WDR59: variants seen among roughly 807,000 people sequenced by gnomAD.
WDR59 encodes GATOR2 complex protein WDR59.
In WDR59, 100 loss-of-function variants were observed where a neutral mutation model predicts 131.2. The observed-to-expected ratio is 0.76, with a 90% CI of 0.65 to 0.90. The LOEUF (loss-of-function observed/expected upper bound fraction) is 0.90. WDR59 is among the 40% of genes least tolerant of loss of function. The probability of loss-of-function intolerance (pLI) is 0.00; values close to 1 mark genes in which losing one functional copy is unlikely to be tolerated. For synonymous variants in WDR59, 601 were observed against 466.2 expected (o/e 1.29, Z -3.72); for missense variants, 1,203 against 1,262.2 (o/e 0.95, Z 0.71).
At chr16:74,930,171 A>G (rs543604541) in intron 8 of WDR59, among the ~76,000 whole-genome samples, 1 of 152,214 alleles carries the variant, frequency 6.6e-6, no homozygotes, top group Non-Finnish European at 1.5e-5. Flanking sequence ...TTTATTGTAC[A>G]TTTAAGAACA....
intron 18 of WDR59, among the ~76,000 whole-genome samples, chr16:74,902,765 C>G (rs1331824659): frequency 6.6e-6 from 1 of 152,008 alleles, no homozygotes; most frequent in Non-Finnish European, 1.5e-5. Flanking sequence ...TCTCCAGTTA[C>G]CTGCAAACAT....
chr16:74,969,831 G>T (rs4888326), intron 1 of WDR59, among the ~76,000 whole-genome samples: 2 of 152,000 alleles, frequency 1.3e-5, no homozygotes, highest in Admixed American at 6.6e-5. Flanking sequence ...TTGTCACACA[G>T]GTTGGAGTAC....
rs1406634854 is a variant in WDR59, at chr16:74,873,218, A to T, written c.*991T>A. On this transcript the variant is annotated 3_prime_UTR_variant, in exon 26 of 26. Transcript: ENST00000262144. ...AGCCACCGTGCCCGGCCTATTTTTT[A>T]AATTTTTTGCAGAGATGGGATCTCC... 6.6e-6 allele frequency: 1 copy of T among 151,564 alleles called. No homozygotes were observed. The highest frequency in any genetic ancestry group is 1.5e-5 in the Non-Finnish European group (1 of 67,894). The allele number at this position is 151,564 out of a possible 1,614,324, so 9.4% of individuals were successfully genotyped here.
chr16:74,888,807 A>C (rs979854240), intron 21 of WDR59, among the ~76,000 whole-genome samples: 2 of 152,250 alleles, frequency 1.3e-5, no homozygotes, highest in African/African-American at 4.8e-5. Context: ...CTGGAGGTGC[A>C]GTTATGAAGA....
chr16:74,888,245 C>G lies in WDR59; in HGVS notation c.2270G>C (p.Arg757Pro). The G allele has an allele frequency of 6.2e-7, 1 of 1,614,044 alleles. No homozygotes were observed. Among genetic ancestry groups the G allele is most frequent in the East Asian group, 2.2e-5 (1 of 44,884 alleles). ...MLCSVFEAQS[R>P]PQGLPNPFGP... Reference sequence around the variant, plus strand: ...AAAGGGGTTTGGTAGCCCCTGAGGCCGAGACTGGGCTTCAAACACGCTACA... The same window carrying G: ...AAAGGGGTTTGGTAGCCCCTGAGGCGGAGACTGGGCTTCAAACACGCTACA... The change falls in exon 22 of 26, where the codon CGG (arginine) becomes CCG (proline). Residue 757 changes from arginine to proline, a missense_variant. By Grantham distance (103) the Arg-to-Pro change is moderately radical. Coordinates refer to ENST00000262144, the MANE Select transcript of WDR59 (RefSeq NM_030581.4).
chr16:74,934,687 C>T (rs1438979513), intron 8 of WDR59, among the ~76,000 whole-genome samples: 1 of 152,192 alleles, frequency 6.6e-6, no homozygotes, highest in African/African-American at 2.4e-5. Flanking sequence ...GTGGCTCACG[C>T]CTGTAATCCC....
At chr16:74,924,237 G>A (rs1309658276) in intron 8 of WDR59, among the ~76,000 whole-genome samples, 1 of 152,114 alleles carries the variant, frequency 6.6e-6, no homozygotes, top group Admixed American at 6.6e-5. Context: ...CACTAAACGC[G>A]GCAGGTCACT....
rs61734551 is a variant in WDR59 at position 74,909,573 on chromosome 16, T to C, written c.1570A>G (p.Thr524Ala). 2,880 of 1,611,050 alleles carry C rather than the reference T, an allele frequency of 1.8e-3. 54 individuals carry two copies. The African/African-American group carries it at 0.032, about 18-fold the overall frequency. ...PPLPTFARVTTAYGSYQDANI... is the reference protein window; with the variant it reads ...PPLPTFARVTAAYGSYQDANI... ...GCGTCCTGGTACGACCCGTAAGCCGTGGTCACCCGCGCAAACGTCGGTAAG... is the reference window on the plus strand; with the variant it reads ...GCGTCCTGGTACGACCCGTAAGCCGCGGTCACCCGCGCAAACGTCGGTAAG... The change falls in exon 16 of 26, where the codon ACG (threonine) becomes GCG (alanine). Residue 524 changes from threonine (T) to alanine (A), a missense_variant. Thr to Ala is a moderately conservative substitution (Grantham distance 58). Coordinates refer to ENST00000262144, the MANE Select transcript of WDR59 (RefSeq NM_030581.4).
chr16:74,945,040 C>T (rs1375532150), intron 6 of WDR59, among the ~76,000 whole-genome samples: 2 of 151,792 alleles, frequency 1.3e-5, no homozygotes, highest in Admixed American at 6.6e-5. Context: ...AGGAGAATCG[C>T]TTGAACCCAG....
At chr16:74,879,274 T>A (rs1490160787) in intron 25 of WDR59, among the ~76,000 whole-genome samples, 1 of 152,138 alleles carries the variant, frequency 6.6e-6, no homozygotes, top group Non-Finnish European at 1.5e-5. Context: ...GGGAGGATTG[T>A]TGAGCTCAGC....
chr16:74,973,820 G>A (rs897839842), intron 1 of WDR59, among the ~76,000 whole-genome samples: 5 of 152,140 alleles, frequency 3.3e-5, no homozygotes, highest in Non-Finnish European at 7.3e-5. Context: ...CAGATCGCCT[G>A]AGGTCAAGAG....
Position 74,922,069 on chromosome 16 carries a change from GGA to G in WDR59, c.762_763del (p.Gln256AlafsTer14). ...AAGGCTGTTTTCCCTCCGCAGCTGG[GGA>G]ACCATCACAGTCACCAATCCATTGC... On this transcript the variant is annotated frameshift_variant, in exon 10 of 26. Coordinates refer to ENST00000262144, the MANE Select transcript of WDR59 (RefSeq NM_030581.4). LOFTEE classifies it high-confidence loss of function. 18 of 1,614,180 alleles carry G rather than the reference GGA, an allele frequency of 1.1e-5. No individual in the cohort carries two copies. The highest frequency in any genetic ancestry group is 1.5e-5 in the Non-Finnish European group (18 of 1,180,032).
chr16:74,892,556 C>T lies in WDR59; in HGVS notation c.2010G>A (p.Val670=), dbSNP rs774776797. The T allele has an allele frequency of 1.9e-6, 3 of 1,612,974 alleles. No individual in the cohort carries two copies. The highest frequency in any genetic ancestry group is 2.2e-5 in the South Asian group (2 of 90,942). The change falls in exon 20 of 26, where the codon GTG becomes GTA. Residue 670 remains valine (V), a synonymous_variant. Coordinates refer to ENST00000262144, the MANE Select transcript of WDR59 (RefSeq NM_030581.4). ...TCTGACATGTTTCCTGAATATCATT[C>T]ACATTCAATCTGAAATTTTTTAAAA... is the stretch of plus-strand genomic sequence containing the variant. The part of the protein sequence containing the change: ...KSLGELYILN[V]NDIQETCQKN...
chr16:74,965,224 G>A (rs749986872), intron 2 of WDR59, among the ~76,000 whole-genome samples: 10 of 152,134 alleles, frequency 6.6e-5, no homozygotes, highest in African/African-American at 1.9e-4. Flanking sequence ...CCAATAGTAC[G>A]ATGTTAGGGT....
chr16:74,874,227 C>G lies in WDR59; in HGVS notation c.2907G>C (p.Leu969=). The G allele has an allele frequency of 6.2e-7, 1 of 1,613,984 alleles. No individual in the cohort carries two copies. Among genetic ancestry groups the G allele is most frequent in the South Asian group, 1.1e-5 (1 of 91,060 alleles). The change falls in exon 26 of 26, where the codon CTG becomes CTC. Residue 969 remains leucine, a synonymous_variant. Coordinates refer to ENST00000262144, the MANE Select transcript of WDR59 (RefSeq NM_030581.4). ...TGTAGGTTCAGAAAGTGCTTTCAAG[C>G]AGGCAGTGGCACCCACACCCGGTGG... The part of the protein sequence containing the change: ...VCPTGCGCHC[L]LESTF
At position 74,874,403 on chromosome 16, in the gene WDR59, C is replaced by A. The variant is rs1480506650; in HGVS notation, c.2731G>T (p.Gly911Cys). Residue 911 changes from glycine to cysteine, a missense_variant, in exon 26 of 26, where the codon GGC (glycine) becomes TGC (cysteine). Coordinates refer to ENST00000262144, the MANE Select transcript of WDR59 (RefSeq NM_030581.4). ...YCSHCRSEVR[G>C]TQCAICKGFT... is the part of the protein sequence containing the mutation. Reference sequence around the variant, plus strand: ...CCTTTGCAGATGGCACACTGCGTGCCACGGACCTCACTCCGGCAGTGGCTG... The same window carrying A: ...CCTTTGCAGATGGCACACTGCGTGCAACGGACCTCACTCCGGCAGTGGCTG... The A allele has an allele frequency of 1.2e-6, 2 of 1,614,064 alleles. No homozygotes were observed. Among genetic ancestry groups the A allele is most frequent in the Non-Finnish European group, 1.7e-6 (2 of 1,180,030 alleles).
At chr16:74,917,362 GCTACCCATA>G (rs1329640364) in intron 11 of WDR59, among the ~76,000 whole-genome samples, 1 of 152,218 alleles carries the variant, frequency 6.6e-6, no homozygotes, top group Admixed American at 6.5e-5. Context: ...TACTCAGGGA[GCTACCCATA>G]CTATCTTATG....
chr16:74,957,110 T>C (rs943229524), intron 2 of WDR59, among the ~76,000 whole-genome samples: 4 of 146,568 alleles, frequency 2.7e-5, no homozygotes, highest in African/African-American at 1.0e-4. Flanking sequence ...AGACAGAGTC[T>C]CGCTCTGTCA....
chr16:74,970,634 TATAC>T (rs916576054), intron 1 of WDR59, among the ~76,000 whole-genome samples: 2 of 151,822 alleles, frequency 1.3e-5, no homozygotes, highest in Non-Finnish European at 2.9e-5. Context: ...TAGTTATTGC[TATAC>T]ACATCTTTCT....
Sources: allele counts gnomAD v4.1 joint callset (sites outside exome capture counted in the v4.1 genomes callset), GRCh38; gene constraint gnomAD v4.1.1; transcripts MANE v1.5; gene names NCBI Gene and HGNC (gene_info 2026-07-23, HGNC 2026-07-21).